The following TRAPPC9 variants were observed in gnomAD, a reference collection of about 807,000 sequenced individuals.
The protein encoded by TRAPPC9 is trafficking protein particle complex subunit 9, also known as IKK2 binding protein.
In TRAPPC9, 83 loss-of-function variants were observed where a neutral mutation model predicts 124.0. The ratio of observed to expected loss-of-function variants is 0.67; its 90% confidence interval spans 0.56 to 0.80. TRAPPC9 has a LOEUF of 0.80. Among genes scored for constraint, TRAPPC9 ranks in the 30% least tolerant of loss-of-function variants. TRAPPC9 has a pLI of 0.00. For missense variants in TRAPPC9, 1,302 were observed against 1,508.3 expected (o/e 0.86, Z 2.27); for synonymous variants, 638 against 617.5 (o/e 1.03, Z -0.49).
At chr8:140,362,943 G>A (rs1057293282) in intron 8 of TRAPPC9, among the ~76,000 whole-genome samples, 16 of 152,206 alleles carry the variant, frequency 1.1e-4, no homozygotes, top group Non-Finnish European at 1.5e-5. Flanking sequence ...AGTAAATAGT[G>A]TACAAGTCAT....
chr8:140,378,044 G>C (rs528150929), intron 7 of TRAPPC9, among the ~76,000 whole-genome samples: 112 of 152,242 alleles, frequency 7.4e-4, no homozygotes, highest in Non-Finnish European at 1.2e-3. Flanking sequence ...TCTCAATCCA[G>C]AGCTTCCGTG....
intron 19 of TRAPPC9, among the ~76,000 whole-genome samples, chr8:139,940,789 G>A (rs1833863099): frequency 6.6e-6 from 1 of 152,222 alleles, no homozygotes; most frequent in Non-Finnish European, 1.5e-5. Flanking sequence ...TGGAAATTAG[G>A]AGCCAACCAC....
At chr8:140,294,263 G>A (rs1435775450) in intron 11 of TRAPPC9, among the ~76,000 whole-genome samples, 2 of 151,960 alleles carry the variant, frequency 1.3e-5, no homozygotes, top group Non-Finnish European at 2.9e-5. Context: ...ATGGGAGGGA[G>A]CTCACCCGAC....
chr8:140,079,669 GC>G (rs1165113129), intron 17 of TRAPPC9, among the ~76,000 whole-genome samples: 2 of 152,208 alleles, frequency 1.3e-5, no homozygotes, highest in Non-Finnish European at 2.9e-5. Context: ...GGTGGCTCAT[GC>G]CTGCAATCCC....
chr8:139,817,509 G>A (rs537956100), intron 21 of TRAPPC9, among the ~76,000 whole-genome samples: 3 of 152,276 alleles, frequency 2.0e-5, no homozygotes, highest in East Asian at 1.9e-4. Context: ...TCGTCCTCAC[G>A]GCCCTCAATC....
rs754670429 is a variant in TRAPPC9 at position 140,252,858 on chromosome 8, T to C, written c.2350A>G (p.Lys784Glu). 2 of 1,614,098 alleles carry C rather than the reference T, an allele frequency of 1.2e-6. No homozygotes were observed. The highest frequency in any genetic ancestry group is 1.7e-6 in the Non-Finnish European group (2 of 1,180,000). ...TLAQFPLQPG[K>E]VATFTINIKV... ...ATGTTGATTGTGAACGTGGCCACCTTCCCAGGCTGCAAAGGGAACTGGGCA... is the reference window on the plus strand; with the variant it reads ...ATGTTGATTGTGAACGTGGCCACCTCCCCAGGCTGCAAAGGGAACTGGGCA... Residue 784 changes from lysine to glutamate, a missense_variant, in exon 16 of 23, where the codon AAG becomes GAG. Physicochemically the swap from Lys to Glu is moderately conservative, Grantham distance 56. Transcript: ENST00000438773. The surrounding 1 kb of genome is among the most constrained non-coding windows in gnomAD (Gnocchi z 4.2).
At chr8:140,457,990 G>A (rs545165341), upstream of TRAPPC9, among the ~76,000 whole-genome samples, 1 of 138,320 alleles carries the variant, frequency 7.2e-6, no homozygotes, top group South Asian at 2.3e-4. Flanking sequence ...AGGGAGAGAA[G>A]CGGGGACGGG....
intron 3 of TRAPPC9, among the ~76,000 whole-genome samples, chr8:140,438,358 A>C (rs2070890751): frequency 6.6e-6 from 1 of 152,190 alleles, no homozygotes; most frequent in Admixed American, 6.5e-5. Context: ...TTCATGGCTG[A>C]ATAATATTCC....
At chr8:140,382,256 C>T (rs1200300335) in intron 7 of TRAPPC9, among the ~76,000 whole-genome samples, 2 of 152,180 alleles carry the variant, frequency 1.3e-5, no homozygotes, top group Non-Finnish European at 1.5e-5. Flanking sequence ...ACTGAGGTAC[C>T]GGGTTCATTT....
At chr8:139,852,898 T>C (rs1004382164) in intron 21 of TRAPPC9, among the ~76,000 whole-genome samples, 1 of 152,142 alleles carries the variant, frequency 6.6e-6, no homozygotes, top group African/African-American at 2.4e-5. Context: ...ACTGCAAACA[T>C]AGTCTCTTGG....
At chr8:140,394,441 T>C (rs1468398455) in intron 7 of TRAPPC9, among the ~76,000 whole-genome samples, 1 of 152,210 alleles carries the variant, frequency 6.6e-6, no homozygotes, top group Admixed American at 6.5e-5. Context: ...AGTGACCACA[T>C]GAACTTGTTA....
At chr8:140,175,765 G>A (rs943487479) in intron 17 of TRAPPC9, among the ~76,000 whole-genome samples, 99 of 152,324 alleles carry the variant, frequency 6.5e-4, no homozygotes, top group African/African-American at 2.3e-3. Context: ...GTGTGCAACC[G>A]TGTACCATGA....
chr8:140,191,930 C>CACTT (rs1004910023), intron 17 of TRAPPC9, among the ~76,000 whole-genome samples: 2 of 152,178 alleles, frequency 1.3e-5, no homozygotes, highest in African/African-American at 4.8e-5. Flanking sequence ...ACTAACACAT[C>CACTT]ACTTACTTAC....
intron 21 of TRAPPC9, among the ~76,000 whole-genome samples, chr8:139,864,957 A>C (rs1175836737): frequency 6.6e-6 from 1 of 152,240 alleles, no homozygotes; most frequent in Non-Finnish European, 1.5e-5. Context: ...ATGTCTGAAC[A>C]TTGCCCGGAA....
At chr8:140,300,016 G>A (rs1563927673) in intron 11 of TRAPPC9, among the ~76,000 whole-genome samples, 1 of 152,198 alleles carries the variant, frequency 6.6e-6, no homozygotes, top group South Asian at 2.1e-4. Flanking sequence ...TCACTCTTCT[G>A]TAGTTCACAT....
intron 17 of TRAPPC9, among the ~76,000 whole-genome samples, chr8:140,202,925 A>G (rs2131181516): frequency 6.6e-6 from 1 of 152,394 alleles, no homozygotes; most frequent in Non-Finnish European, 1.5e-5. Context: ...CAGATCCAAT[A>G]AAACAACTAG....
intron 17 of TRAPPC9, among the ~76,000 whole-genome samples, chr8:140,092,092 A>C (rs1411071633): frequency 2.0e-5 from 3 of 151,666 alleles, no homozygotes; most frequent in Non-Finnish European, 4.4e-5. Context: ...AAAAAAAAAA[A>C]CAAACCTTTT....
chr8:140,200,737 G>A (rs902733165), intron 17 of TRAPPC9, among the ~76,000 whole-genome samples: 1 of 152,126 alleles, frequency 6.6e-6, no homozygotes, highest in African/African-American at 2.4e-5. Flanking sequence ...AGATGTCATC[G>A]AGCGTCCTGA....
At chr8:140,342,159 C>T (rs891650229) in intron 9 of TRAPPC9, among the ~76,000 whole-genome samples, 3 of 152,178 alleles carry the variant, frequency 2.0e-5, no homozygotes, top group Middle Eastern at 3.2e-3. Context: ...AAACGGAAAG[C>T]AGGACTGCAC....
Sources: gnomAD v4.1 joint callset for allele counts (sites outside exome capture counted in the v4.1 genomes callset) on GRCh38, gnomAD v4.1.1 for gene constraint, Gnocchi (gnomAD v3.1) non-coding constraint, MANE v1.5 for transcripts, NCBI Gene and HGNC (gene_info 2026-07-23, HGNC 2026-07-21) for gene names.